EHHADH: variants seen among roughly 807,000 people sequenced by gnomAD.
EHHADH encodes the protein peroxisomal bifunctional enzyme.
In EHHADH, 48 loss-of-function variants were observed where a neutral mutation model predicts 64.4. The ratio of observed to expected loss-of-function variants is 0.75; its 90% CI spans 0.59 to 0.95. The LOEUF is 0.95. EHHADH is among the 40% of genes least tolerant of loss of function. EHHADH has a pLI of 0.00. For synonymous variants in EHHADH, 308 were observed against 326.7 expected (o/e 0.94, Z 0.62); for missense variants, 854 against 876.6 (o/e 0.97, Z 0.33).
intron 2 of EHHADH, chr3:185,246,040 C>A: frequency 7.7e-7 from 1 of 1,296,336 alleles, no homozygotes. Flanking sequence ...GTAGTTCATC[C>A]TCATCTGGGA....
intron 2 of EHHADH, among the ~76,000 whole-genome samples, chr3:185,239,224 C>T (rs750751648): frequency 2.0e-5 from 3 of 151,810 alleles, no homozygotes; most frequent in Non-Finnish European, 4.4e-5. Flanking sequence ...ATGTGTTGCC[C>T]CCAGCTTTGT....
intron 2 of EHHADH, among the ~76,000 whole-genome samples, chr3:185,244,430 T>C (rs564819202): frequency 8.5e-5 from 13 of 152,332 alleles, no homozygotes; most frequent in Non-Finnish European, 1.6e-4. Context: ...GATTTTTATA[T>C]CTACATTTAT....
chr3:185,251,941 T>C (rs1332547214), intron 1 of EHHADH, among the ~76,000 whole-genome samples: 3 of 152,142 alleles, frequency 2.0e-5, no homozygotes, highest in Non-Finnish European at 2.9e-5. Flanking sequence ...TTCTGACTAA[T>C]AGGAATAACT....
In EHHADH at chr3:185,235,432, C is replaced by T; in HGVS notation, c.209G>A (p.Arg70Lys). 1 of 1,612,426 alleles carries T rather than the reference C, an allele frequency of 6.2e-7. No individual in the cohort carries two copies. The highest frequency in any genetic ancestry group is 8.5e-7 in the Non-Finnish European group (1 of 1,179,210). Residue 70 changes from arginine to lysine, a missense_variant, in exon 3 of 7, where the codon AGG (arginine) becomes AAG (lysine). Arg to Lys is a conservative substitution (Grantham distance 26). Coordinates refer to ENST00000231887, the MANE Select transcript of EHHADH (RefSeq NM_001966.4). ...ATGTCCCAGTGTAAGGCCAAATGTCCTAGGAGCACTGAAGCCACGAATATC... is the reference window on the plus strand; with the variant it reads ...ATGTCCCAGTGTAAGGCCAAATGTCTTAGGAGCACTGAAGCCACGAATATC... ...GADIRGFSAP[R>K]TFGLTLGHVV...
At chr3:185,241,170 G>A (rs191034549) in intron 2 of EHHADH, among the ~76,000 whole-genome samples, 12 of 152,186 alleles carry the variant, frequency 7.9e-5, no homozygotes, top group East Asian at 5.8e-4. Flanking sequence ...GTATTCCATC[G>A]TATAAAAATA....
At chr3:185,197,326 C>T (rs1243316770) in intron 6 of EHHADH, among the ~76,000 whole-genome samples, 1 of 152,100 alleles carries the variant, frequency 6.6e-6, no homozygotes, top group Admixed American at 6.6e-5. Context: ...ATAAGGTTTC[C>T]CATCATAGCC....
intron 2 of EHHADH, among the ~76,000 whole-genome samples, chr3:185,241,119 G>A (rs188339040): frequency 6.6e-6 from 1 of 152,264 alleles, no homozygotes; most frequent in East Asian, 1.9e-4. Context: ...CATCCAGATT[G>A]CTGCGAATGC....
chr3:185,192,547 A>G lies in EHHADH; in HGVS notation c.1851T>C (p.Asp617=), dbSNP rs763182496. Residue 617 remains aspartate, a synonymous_variant, in exon 7 of 7, where the codon GAT becomes GAC. Coordinates refer to ENST00000231887, the MANE Select transcript of EHHADH (RefSeq NM_001966.4). ...HHIEPRTISQ[D]EILERCLYSL... Reference sequence around the variant, plus strand: ...AATATAAGCAGCGTTCAAGGATCTCATCCTGGCTAATGGTACGTGGTTCAA... The same window carrying G: ...AATATAAGCAGCGTTCAAGGATCTCGTCCTGGCTAATGGTACGTGGTTCAA... 1 of 1,613,428 alleles carries G rather than the reference A, an allele frequency of 6.2e-7. No individual in the cohort carries two copies. Among genetic ancestry groups the G allele is most frequent in the African/African-American group, 1.3e-5 (1 of 74,912 alleles).
At chr3:185,213,289 T>A (rs1159312415) in intron 5 of EHHADH, among the ~76,000 whole-genome samples, 1 of 152,066 alleles carries the variant, frequency 6.6e-6, no homozygotes, top group Non-Finnish European at 1.5e-5. Flanking sequence ...CCTAAGCATG[T>A]TTGTTAGAGA....
chr3:185,252,151 C>G (rs1719765039), intron 1 of EHHADH, among the ~76,000 whole-genome samples: 1 of 152,142 alleles, frequency 6.6e-6, no homozygotes, highest in South Asian at 2.1e-4. Flanking sequence ...CCTGTAATCC[C>G]AGCACTTTGG....
At chr3:185,220,878 T>C (rs78108255) in intron 4 of EHHADH, among the ~76,000 whole-genome samples, 1,843 of 152,304 alleles carry the variant, frequency 0.012, 21 homozygotes, top group Non-Finnish European at 0.016. Context: ...TGGAACTCTT[T>C]CCAAATGTCA....
intron 2 of EHHADH, 49 bp from the exon 3 acceptor site, chr3:185,235,511 A>G (rs1239555721): frequency 6.7e-7 from 1 of 1,489,506 alleles, no homozygotes; most frequent in Admixed American, 2.0e-5. Flanking sequence ...ATACATGGGC[A>G]TTGTTATATA....
At chr3:185,242,727 A>G (rs1312684979) in intron 2 of EHHADH, among the ~76,000 whole-genome samples, 1 of 152,130 alleles carries the variant, frequency 6.6e-6, no homozygotes, top group African/African-American at 2.4e-5. Context: ...CTCCCCATCT[A>G]ACAGCACTGA....
At chr3:185,195,560 T>C (rs969232174) in intron 6 of EHHADH, among the ~76,000 whole-genome samples, 1 of 152,200 alleles carries the variant, frequency 6.6e-6, no homozygotes, top group African/African-American at 2.4e-5. Context: ...ACATGAATGT[T>C]CAGTAGCAGC....
intron 4 of EHHADH, among the ~76,000 whole-genome samples, chr3:185,225,761 A>G (rs979638537): frequency 6.6e-6 from 1 of 152,138 alleles, no homozygotes; most frequent in Non-Finnish European, 1.5e-5. Flanking sequence ...TGTTCTTTGA[A>G]CATTCCAAGC....
At chr3:185,251,632 G>A (rs1290815368) in intron 1 of EHHADH, among the ~76,000 whole-genome samples, 2 of 151,468 alleles carry the variant, frequency 1.3e-5, no homozygotes, top group African/African-American at 4.9e-5. Flanking sequence ...GTGTGTGTGT[G>A]TGTGTGTATT....
chr3:185,246,450 T>C, intron 2 of EHHADH: 1 of 457,416 alleles, frequency 2.2e-6, no homozygotes, highest in South Asian at 2.6e-5. Context: ...ATGGATGCGA[T>C]TCCAGTGGGC....
At chr3:185,213,152 T>C in intron 5 of EHHADH, among the ~76,000 whole-genome samples, 1 of 89,860 alleles carries the variant, frequency 1.1e-5, no homozygotes, top group Admixed American at 1.1e-4. Context: ...AAAAAGACTA[T>C]AGGTAGTGTT....
intron 5 of EHHADH, among the ~76,000 whole-genome samples, chr3:185,212,976 C>T (rs544157591): frequency 4.7e-4 from 71 of 151,602 alleles, no homozygotes; most frequent in African/African-American, 1.3e-3. Context: ...AAAAATTAGC[C>T]GGGTGTGCTG....
Sources: allele counts gnomAD v4.1 joint callset (sites outside exome capture counted in the v4.1 genomes callset), GRCh38; gene constraint gnomAD v4.1.1; transcripts MANE v1.5; gene names NCBI Gene and HGNC (gene_info 2026-07-23, HGNC 2026-07-21).